The following DOCK2 variants were observed in gnomAD, a reference collection of about 807,000 sequenced individuals.
The protein encoded by DOCK2 is dedicator of cytokinesis 2, also known as dedicator of cytokinesis protein 2.
In DOCK2, 87 loss-of-function variants were observed where a neutral mutation model predicts 248.9. The ratio of observed to expected loss-of-function variants is 0.35; its 90% CI spans 0.29 to 0.42. DOCK2 has a LOEUF of 0.42. Ranked by LOEUF, DOCK2 falls within the 10% of genes least tolerant of loss-of-function variation. The pLI, the probability that DOCK2 is intolerant of heterozygous loss-of-function variation, is 1.00. For missense variants in DOCK2, 1,747 were observed against 2,300.2 expected (o/e 0.76, Z 4.92); for synonymous variants, 805 against 821.6 (o/e 0.98, Z 0.35).
At chr5:169,848,069 T>G (rs1374986849) in intron 27 of DOCK2, among the ~76,000 whole-genome samples, 1 of 152,208 alleles carries the variant, frequency 6.6e-6, no homozygotes, top group Non-Finnish European at 1.5e-5. Flanking sequence ...TTTATCAAAT[T>G]TAAGATACTC....
intron 38 of DOCK2, among the ~76,000 whole-genome samples, chr5:170,044,218 C>A (rs915048332): frequency 5.3e-5 from 8 of 152,316 alleles, no homozygotes; most frequent in Non-Finnish European, 8.8e-5. Context: ...TCCTCAAAAC[C>A]AAACGATTTC....
At chr5:169,870,771 G>T (rs1000491951) in intron 27 of DOCK2, among the ~76,000 whole-genome samples, 3 of 152,146 alleles carry the variant, frequency 2.0e-5, no homozygotes, top group African/African-American at 4.8e-5. Flanking sequence ...AAGATAGGAA[G>T]GTTGTTGCCC....
At chr5:169,766,656 A>G (rs1212948001) in intron 25 of DOCK2, among the ~76,000 whole-genome samples, 1 of 152,130 alleles carries the variant, frequency 6.6e-6, no homozygotes, top group African/African-American at 2.4e-5. Flanking sequence ...ACTTTGAGAA[A>G]TCTCCAAACT....
At chr5:169,864,230 G>A in intron 27 of DOCK2, 1 of 1,496,598 alleles carries the variant, frequency 6.7e-7, no homozygotes, top group Non-Finnish European at 9.1e-7. Flanking sequence ...CCATCTCAGG[G>A]AAGTGCGTGG....
In DOCK2 at chr5:169,735,001, A is replaced by G. The variant is rs77185917; in HGVS notation, c.2268-12395A>G. Among the ~76,000 whole-genome samples the G allele has an allele frequency of 3.8e-3, 577 of 152,240 alleles. 4 individuals carry two copies. Among genetic ancestry groups the G allele is most frequent in the African/African-American group, 0.013 (556 of 41,554 alleles). ...GTATTCCTTACTTTCTTGACAGTTT[A>G]GTGACTTATATTTAAAATCCAGCTT... On this transcript the variant is annotated intron_variant, in intron 22 of 51. Coordinates refer to ENST00000520908, the MANE Select transcript of DOCK2 (RefSeq NM_004946.3).
intron 19 of DOCK2, 132 bp from the exon 20 acceptor site, chr5:169,716,081 C>G (rs960957542): frequency 6.3e-6 from 5 of 794,172 alleles, no homozygotes; most frequent in Non-Finnish European, 1.0e-5. Context: ...TAAAACTACT[C>G]TAGACGTTTT....
intron 9 of DOCK2, chr5:169,695,486 C>T (rs1353273332): frequency 3.2e-5 from 7 of 216,922 alleles, no homozygotes; most frequent in Admixed American, 6.2e-5. Flanking sequence ...TCTATCACCT[C>T]GGCATATGGG....
intron 9 of DOCK2, among the ~76,000 whole-genome samples, chr5:169,691,041 G>A (rs1760266662): frequency 6.6e-6 from 1 of 152,178 alleles, no homozygotes; most frequent in Non-Finnish European, 1.5e-5. Flanking sequence ...TCTTCAGGCT[G>A]TACGAGAAGG....
At chr5:169,706,460 C>T (rs1012471108) in intron 14 of DOCK2, among the ~76,000 whole-genome samples, 2 of 152,202 alleles carry the variant, frequency 1.3e-5, no homozygotes, top group African/African-American at 4.8e-5. Flanking sequence ...GGACTCAGGT[C>T]ACCCAGCTGT....
At chr5:170,080,126 T>TTGTGTG in intron 49 of DOCK2, 37 bp from the exon 50 acceptor site, 3 of 1,512,050 alleles carry the variant, frequency 2.0e-6, no homozygotes, top group African/African-American at 2.8e-5. Flanking sequence ...GCCTCTGTCT[T>TTGTGTG]TGTGTGTGTG....
At position 169,684,266 on chromosome 5, in the gene DOCK2, T is replaced by G; in HGVS notation, c.677T>G (p.Phe226Cys). ...SSSPTHSLYV[F>C]VRNFVCRIGE... ...TCCCCCACCCATAGCCTCTATGTGT[T>G]TGTGAGAAACTTTGTGTGCAGAATT... is the stretch of plus-strand genomic sequence containing the variant. The change falls in exon 8 of 52, where the codon TTT becomes TGT. Residue 226 changes from phenylalanine to cysteine, a missense_variant. Coordinates refer to ENST00000520908, the MANE Select transcript of DOCK2 (RefSeq NM_004946.3). 1.9e-6 allele frequency: 3 copies of G among 1,614,146 alleles called. No individual in the cohort carries two copies. The highest frequency in any genetic ancestry group is 2.5e-6 in the Non-Finnish European group (3 of 1,180,016).
At chr5:169,692,119 G>T (rs1760340157) in intron 9 of DOCK2, among the ~76,000 whole-genome samples, 1 of 152,158 alleles carries the variant, frequency 6.6e-6, no homozygotes, top group African/African-American at 2.4e-5. Flanking sequence ...CTCCCAAAGT[G>T]CTGGGATTAC....
chr5:169,962,156 T>A (rs1283203418), intron 27 of DOCK2, among the ~76,000 whole-genome samples: 1 of 151,936 alleles, frequency 6.6e-6, no homozygotes. Context: ...GACTGGGTTT[T>A]TAAAAAGTCT....
At chr5:169,936,451 G>T (rs1418581733) in intron 27 of DOCK2, among the ~76,000 whole-genome samples, 2 of 152,110 alleles carry the variant, frequency 1.3e-5, no homozygotes, top group Non-Finnish European at 2.9e-5. Context: ...CTAGTCAATA[G>T]CAGATCCAGT....
intron 25 of DOCK2, among the ~76,000 whole-genome samples, chr5:169,765,582 T>C (rs913681055): frequency 6.6e-6 from 1 of 152,238 alleles, no homozygotes; most frequent in Non-Finnish European, 1.5e-5. Context: ...AATGTGTCTT[T>C]TTAGTCTGAT....
chr5:169,746,476 T>C (rs1279234291), intron 22 of DOCK2, among the ~76,000 whole-genome samples: 2 of 152,182 alleles, frequency 1.3e-5, no homozygotes, highest in African/African-American at 4.8e-5. Flanking sequence ...GAGGAGCTTT[T>C]TGAGCGTGTA....
chr5:169,742,188 T>G (rs1763353403), intron 22 of DOCK2, among the ~76,000 whole-genome samples: 1 of 152,138 alleles, frequency 6.6e-6, no homozygotes, highest in Admixed American at 6.5e-5. Context: ...GTTGTCTTTA[T>G]GAAAATGCTG....
At chr5:169,818,651 G>A (rs1397239360) in intron 26 of DOCK2, among the ~76,000 whole-genome samples, 1 of 152,128 alleles carries the variant, frequency 6.6e-6, no homozygotes, top group Non-Finnish European at 1.5e-5. Context: ...CTTCTCTGGT[G>A]GTGACAGAGA....
At chr5:169,707,786 G>A (rs1334060055) in intron 14 of DOCK2, among the ~76,000 whole-genome samples, 1 of 152,216 alleles carries the variant, frequency 6.6e-6, no homozygotes, top group East Asian at 1.9e-4. Context: ...CTGCTTGGCT[G>A]ATCTGAGCCT....
Sources: gnomAD v4.1 joint callset for allele counts (sites outside exome capture counted in the v4.1 genomes callset) on GRCh38, gnomAD v4.1.1 for gene constraint, MANE v1.5 for transcripts, NCBI Gene and HGNC (gene_info 2026-07-23, HGNC 2026-07-21) for gene names.